GRIA4: variants seen among roughly 807,000 people sequenced by gnomAD.
GRIA4 encodes glutamate receptor 4.
In GRIA4, 34 loss-of-function variants were observed where a neutral mutation model predicts 104.0. The ratio of observed to expected loss-of-function variants is 0.33; its 90% CI spans 0.25 to 0.44. The LOEUF (loss-of-function observed/expected upper bound fraction) is 0.44, where lower values mean the gene tolerates loss of function less well. Among genes scored for constraint, GRIA4 ranks in the 20% least tolerant of loss-of-function variants. The pLI is 1.00. For missense variants in GRIA4, 750 were observed against 1,096.5 expected (o/e 0.68, Z 4.46); for synonymous variants, 386 against 381.9 (o/e 1.01, Z -0.13).
intron 4 of GRIA4, among the ~76,000 whole-genome samples, chr11:105,799,093 G>A (rs1296124333): frequency 6.6e-6 from 1 of 152,116 alleles, no homozygotes; most frequent in Non-Finnish European, 1.5e-5. Flanking sequence ...AGATGAAAAG[G>A]AACCAACAAA....
intron 14 of GRIA4, among the ~76,000 whole-genome samples, chr11:105,958,885 A>T (rs1948661065): frequency 6.6e-6 from 1 of 152,198 alleles, no homozygotes. Flanking sequence ...GTTTGGCTGG[A>T]TATGAAATTC....
intron 6 of GRIA4, among the ~76,000 whole-genome samples, chr11:105,896,947 A>G (rs1946671644): frequency 1.3e-5 from 2 of 152,144 alleles, no homozygotes; most frequent in Admixed American, 1.3e-4. Context: ...TCTGCAAGAA[A>G]TAATGTTGGT....
chr11:105,643,989 G>A (rs1951448005), intron 3 of GRIA4, among the ~76,000 whole-genome samples: 1 of 152,172 alleles, frequency 6.6e-6, no homozygotes, highest in African/African-American at 2.4e-5. Flanking sequence ...AGAGTGCTGG[G>A]ATTACAGGCA....
At position 105,794,432 on chromosome 11, in the gene GRIA4, G is replaced by GGT. The variant is rs71041628; in HGVS notation, c.487+41231_487+41232dup. Among the ~76,000 whole-genome samples the GGT allele has an allele frequency of 3.5e-4, 35 of 100,544 alleles. 1 individual carries two copies. The East Asian group carries it at 4.9e-3, about 14-fold the overall frequency. 66.0% of individuals were successfully genotyped at this position (100,544 alleles called of 152,430 possible). ...ACATATATGTGTATGTGTGTGCCGG[G>GGT]GTGTGTGTGTGTGTGTGTGTCTGTG... On this transcript the variant is annotated intron_variant, in intron 4 of 16. Coordinates refer to ENST00000282499, the MANE Select transcript of GRIA4 (RefSeq NM_000829.4).
chr11:105,868,633 T>C (rs559646585), intron 5 of GRIA4, among the ~76,000 whole-genome samples: 87 of 152,280 alleles, frequency 5.7e-4, no homozygotes, highest in Non-Finnish European at 1.0e-3. Context: ...TCCAAGATTA[T>C]GGGACACCTA....
chr11:105,966,170 A>C (rs1858359101), intron 14 of GRIA4: 1 of 722,594 alleles, frequency 1.4e-6, no homozygotes, highest in African/African-American at 1.8e-5. Flanking sequence ...TTGCTAGTCC[A>C]GTCCCTTCGC....
chr11:105,716,231 A>G (rs1380526095), intron 3 of GRIA4, among the ~76,000 whole-genome samples: 3 of 152,154 alleles, frequency 2.0e-5, no homozygotes, highest in African/African-American at 7.2e-5. Context: ...AGAAACCATT[A>G]TATCTTGTGG....
chr11:105,725,619 G>C (rs568012008), intron 3 of GRIA4, among the ~76,000 whole-genome samples: 1 of 152,280 alleles, frequency 6.6e-6, no homozygotes, highest in African/African-American at 2.4e-5. Context: ...GGCTGAATAG[G>C]AACAGCTCTG....
intron 3 of GRIA4, among the ~76,000 whole-genome samples, chr11:105,744,677 T>A (rs764289177): frequency 6.6e-6 from 1 of 152,164 alleles, no homozygotes; most frequent in Non-Finnish European, 1.5e-5. Context: ...AGATGTACTA[T>A]AAAAACCTTT....
intron 4 of GRIA4, among the ~76,000 whole-genome samples, chr11:105,788,651 C>T (rs1942080343): frequency 6.6e-6 from 1 of 152,128 alleles, no homozygotes; most frequent in South Asian, 2.1e-4. Context: ...AACAGGAAAC[C>T]TAACACTGCA....
intron 4 of GRIA4, among the ~76,000 whole-genome samples, chr11:105,832,168 A>G (rs76611610): frequency 0.012 from 1,764 of 152,108 alleles, 38 homozygotes; most frequent in African/African-American, 0.04. Context: ...AGTGAGATCC[A>G]GTAGAGCATT....
intron 10 of GRIA4, among the ~76,000 whole-genome samples, chr11:105,916,106 C>G (rs760092452): frequency 6.6e-6 from 1 of 152,082 alleles, no homozygotes; most frequent in Non-Finnish European, 1.5e-5. Flanking sequence ...ATCGCTTGAA[C>G]CCGGAAGGCA....
intron 3 of GRIA4, among the ~76,000 whole-genome samples, chr11:105,620,259 A>G (rs928116604): frequency 2.0e-5 from 3 of 151,918 alleles, no homozygotes; most frequent in Non-Finnish European, 2.9e-5. Context: ...TGTAATAATA[A>G]TAACTACTAT....
intron 3 of GRIA4, among the ~76,000 whole-genome samples, chr11:105,671,651 C>T: frequency 9.5e-6 from 1 of 104,930 alleles, no homozygotes; most frequent in African/African-American, 3.8e-5. Flanking sequence ...GCACTCCAGC[C>T]TGGGTGACAG....
intron 4 of GRIA4, among the ~76,000 whole-genome samples, chr11:105,773,668 C>T (rs988319832): frequency 2.6e-5 from 4 of 152,022 alleles, no homozygotes; most frequent in African/African-American, 9.7e-5. Context: ...GAGGTAGGGA[C>T]ACCAGCTGCT....
At chr11:105,794,469 G>GTATATATATATATATATATATATA (rs1200611859) in intron 4 of GRIA4, among the ~76,000 whole-genome samples, 2 of 40,776 alleles carry the variant, frequency 4.9e-5, no homozygotes, top group Non-Finnish European at 9.8e-5. Context: ...GTGTGTATAT[G>GTATATATATATATATATATATATA]TATGTATATA....
At chr11:105,628,230 C>A (rs763848480) in intron 3 of GRIA4, among the ~76,000 whole-genome samples, 3 of 152,086 alleles carry the variant, frequency 2.0e-5, no homozygotes, top group Admixed American at 6.6e-5. Context: ...CATACCTTTG[C>A]CCACCATTAT....
At chr11:105,805,184 C>G (rs2135850612) in intron 4 of GRIA4, among the ~76,000 whole-genome samples, 1 of 151,834 alleles carries the variant, frequency 6.6e-6, no homozygotes, top group East Asian at 1.9e-4. Context: ...CCGACTTTTA[C>G]TATGATATTT....
intron 4 of GRIA4, among the ~76,000 whole-genome samples, chr11:105,799,774 G>A (rs1402306336): frequency 6.6e-6 from 1 of 152,078 alleles, no homozygotes; most frequent in African/African-American, 2.4e-5. Context: ...GTTGAGGAAA[G>A]AGAAGAAAGG....
Sources: allele counts gnomAD v4.1 joint callset (sites outside exome capture counted in the v4.1 genomes callset), GRCh38; gene constraint gnomAD v4.1.1; transcripts MANE v1.5; gene names NCBI Gene and HGNC (gene_info 2026-07-23, HGNC 2026-07-21).